Variants in ADGRB3 observed in about 807,000 individuals in gnomAD.
ADGRB3 encodes adhesion G protein-coupled receptor B3.
A neutral mutation model predicts 193.4 loss-of-function variants in ADGRB3; 37 were observed. The observed-to-expected ratio is 0.19, with a 90% CI of 0.15 to 0.25. The LOEUF is 0.25. ADGRB3 is among the 10% of genes least tolerant of loss of function. The probability of loss-of-function intolerance (pLI) is 1.00; values close to 1 mark genes in which losing one functional copy is unlikely to be tolerated. For missense variants in ADGRB3, 1,637 were observed against 1,852.9 expected (o/e 0.88, Z 2.14); for synonymous variants, 690 against 644.2 (o/e 1.07, Z -1.08).
rs1554248806 is a variant in ADGRB3, at chr6:69,031,553, T to TTTCTTTCTTTCTTTCTTTC, written c.2107+13055_2107+13056insTCTTTCTTTCTTTCTTTCT. Among the ~76,000 whole-genome samples the TTTCTTTCTTTCTTTCTTTC allele has an allele frequency of 6.2e-3, 673 of 108,700 alleles. 71 individuals carry two copies. Among genetic ancestry groups the TTTCTTTCTTTCTTTCTTTC allele is most frequent in the African/African-American group, 0.012 (351 of 30,246 alleles). 71.3% of individuals were successfully genotyped at this position (108,700 alleles called of 152,430 possible). On this transcript the variant is annotated intron_variant, in intron 13 of 31. Coordinates refer to ENST00000370598, the MANE Select transcript of ADGRB3 (RefSeq NM_001704.3). ...TCTTTCTTTCTTTCTTTCTTTCTTT[T>TTTCTTTCTTTCTTTCTTTC]TCTTTCTTTCTTTTCTTCCTCTGTC...
chr6:68,953,983 A>G (rs1223823111), intron 6 of ADGRB3, among the ~76,000 whole-genome samples: 1 of 152,224 alleles, frequency 6.6e-6, no homozygotes, highest in African/African-American at 2.4e-5. Flanking sequence ...TGATGCATTT[A>G]TAACCTTTAC....
intron 20 of ADGRB3, among the ~76,000 whole-genome samples, chr6:69,304,081 A>T (rs150612752): frequency 4.0e-5 from 6 of 151,640 alleles, no homozygotes. Flanking sequence ...TTTCAACCAA[A>T]ATACAAGGGT....
intron 6 of ADGRB3, among the ~76,000 whole-genome samples, chr6:68,952,997 T>A (rs1294905704): frequency 6.6e-6 from 1 of 152,162 alleles, no homozygotes; most frequent in Non-Finnish European, 1.5e-5. Flanking sequence ...ATTGATGCAG[T>A]CTTATTTCAG....
chr6:68,933,485 C>G (rs1767403930), intron 4 of ADGRB3, among the ~76,000 whole-genome samples: 1 of 152,114 alleles, frequency 6.6e-6, no homozygotes, highest in Non-Finnish European at 1.5e-5. Context: ...CTCAGCTACT[C>G]AGGAGGCTGA....
chr6:69,040,797 A>T (rs73745933), intron 13 of ADGRB3, among the ~76,000 whole-genome samples: 2,557 of 151,478 alleles, frequency 0.017, 77 homozygotes, highest in African/African-American at 0.058. Flanking sequence ...AAAATAGCTA[A>T]GTAAAGTTTC....
intron 3 of ADGRB3, among the ~76,000 whole-genome samples, chr6:68,879,506 G>A (rs1765679727): frequency 1.3e-5 from 2 of 152,064 alleles, no homozygotes; most frequent in Non-Finnish European, 1.5e-5. Context: ...GGGATTACAG[G>A]CGTGAGCCAC....
intron 13 of ADGRB3, among the ~76,000 whole-genome samples, chr6:69,030,003 C>CACACACACACAT (rs754945190): frequency 5.4e-5 from 8 of 147,822 alleles, no homozygotes; most frequent in African/African-American, 2.0e-4. Context: ...CACACACACA[C>CACACACACACAT]ATATATATAT....
At chr6:69,386,463 G>A (rs1205052253) in intron 31 of ADGRB3, among the ~76,000 whole-genome samples, 2 of 152,024 alleles carry the variant, frequency 1.3e-5, no homozygotes, top group Admixed American at 6.6e-5. Context: ...AGTAGAATTC[G>A]AACCAGTGAG....
intron 12 of ADGRB3, among the ~76,000 whole-genome samples, chr6:69,016,147 A>G (rs560537287): frequency 6.6e-6 from 1 of 152,088 alleles, no homozygotes; most frequent in Admixed American, 6.6e-5. Context: ...TTTACAATAG[A>G]GACTTCATGT....
intron 3 of ADGRB3, among the ~76,000 whole-genome samples, chr6:68,744,148 A>G (rs909007431): frequency 4.6e-5 from 7 of 152,138 alleles, no homozygotes; most frequent in African/African-American, 1.7e-4. Context: ...AGAAGAAAAC[A>G]CACATTTTAT....
intron 3 of ADGRB3, among the ~76,000 whole-genome samples, chr6:68,862,630 A>G (rs1765189850): frequency 6.6e-6 from 1 of 152,210 alleles, no homozygotes; most frequent in South Asian, 2.1e-4. Flanking sequence ...AAGTTTACTT[A>G]GTTTTATGTA....
At chr6:68,986,172 GCA>G (rs1278934851) in intron 10 of ADGRB3, among the ~76,000 whole-genome samples, 1 of 152,064 alleles carries the variant, frequency 6.6e-6, no homozygotes, top group Non-Finnish European at 1.5e-5. Context: ...AGCAAAATAT[GCA>G]CAGTTTATAC....
intron 20 of ADGRB3, among the ~76,000 whole-genome samples, chr6:69,291,159 A>T (rs1767657025): frequency 6.6e-6 from 1 of 152,152 alleles, no homozygotes. Flanking sequence ...GCTGAGGAAT[A>T]AAAGTGAGGG....
At chr6:68,763,713 T>C (rs1224981984) in intron 3 of ADGRB3, among the ~76,000 whole-genome samples, 1 of 152,228 alleles carries the variant, frequency 6.6e-6, no homozygotes, top group African/African-American at 2.4e-5. Context: ...TTTTTTGTTT[T>C]AGAAGAGTTG....
rs1390060888 is a variant in ADGRB3 at position 69,237,324 on chromosome 6, A to C, written c.2712-1800A>C. 2.0e-5 allele frequency among the ~76,000 whole-genome samples: 3 copies of C among 152,034 alleles called. No homozygotes were observed. In the East Asian group the frequency reaches 5.8e-4, roughly 29 times the overall value. On this transcript the variant is annotated intron_variant, in intron 19 of 31. Coordinates refer to ENST00000370598, the MANE Select transcript of ADGRB3 (RefSeq NM_001704.3). ...CAAGCATCTCAAGTATTTTATACAT[A>C]ATAGGCTGTTTTTAAATTTGGTGGC...
At chr6:68,703,959 G>T (rs897627236) in intron 3 of ADGRB3, among the ~76,000 whole-genome samples, 4 of 152,088 alleles carry the variant, frequency 2.6e-5, no homozygotes, top group African/African-American at 9.7e-5. Context: ...AGATGTTTCT[G>T]CAAAATTTAA....
chr6:69,013,259 T>C (rs1769990548), intron 11 of ADGRB3, among the ~76,000 whole-genome samples: 1 of 152,048 alleles, frequency 6.6e-6, no homozygotes, highest in African/African-American at 2.4e-5. Flanking sequence ...ATGTGTCCAT[T>C]GTGAATGGAA....
chr6:69,005,609 C>T (rs996275906), intron 11 of ADGRB3, among the ~76,000 whole-genome samples: 3 of 152,052 alleles, frequency 2.0e-5, no homozygotes, highest in Admixed American at 6.6e-5. Flanking sequence ...CATTCCCGGC[C>T]GACCTAGTGA....
intron 3 of ADGRB3, among the ~76,000 whole-genome samples, chr6:68,842,607 G>T (rs533498034): frequency 2.6e-5 from 4 of 151,798 alleles, no homozygotes; most frequent in African/African-American, 7.2e-5. Flanking sequence ...AAGTAATATT[G>T]ATCCTACTCA....
Sources: gnomAD v4.1 joint callset for allele counts (sites outside exome capture counted in the v4.1 genomes callset) on GRCh38, gnomAD v4.1.1 for gene constraint, MANE v1.5 for transcripts, NCBI Gene and HGNC (gene_info 2026-07-23, HGNC 2026-07-21) for gene names.